The following TRAK2 variants were observed in gnomAD, a reference collection of about 807,000 sequenced individuals.
TRAK2 encodes the protein trafficking kinesin protein 2.
A neutral mutation model predicts 104.6 loss-of-function variants in TRAK2; 81 were observed. The observed-to-expected ratio is 0.77, with a 90% CI of 0.65 to 0.93. TRAK2 has a LOEUF of 0.93. Among genes scored for constraint, TRAK2 ranks in the 40% least tolerant of loss-of-function variants. TRAK2 has a pLI of 0.00. For synonymous variants in TRAK2, 406 were observed against 394.4 expected (o/e 1.03, Z -0.35); for missense variants, 1,002 against 1,089.0 (o/e 0.92, Z 1.12).
In TRAK2 at chr2:201,380,903, T is replaced by A. The variant is rs181577493; in HGVS notation, c.2385A>T (p.Arg795=). 40 of 1,614,052 alleles carry A rather than the reference T, an allele frequency of 2.5e-5. No individual in the cohort carries two copies. The East Asian group carries it at 8.7e-4, about 35-fold the overall frequency. The change falls in exon 16 of 16, where the codon CGA becomes CGT. Residue 795 remains arginine, a synonymous_variant. Coordinates refer to ENST00000332624, the MANE Select transcript of TRAK2 (RefSeq NM_015049.3). ...PCPSPLPFEP[R]VHLSENFLAS... ...CCAAAAAATTTTCAGAGAGATGCAC[T>A]CGAGGCTCAAAGGGTAAAGGAGAAG...
chr2:201,441,759 T>C (rs1054199850), intron 1 of TRAK2, among the ~76,000 whole-genome samples: 3 of 150,674 alleles, frequency 2.0e-5, no homozygotes, highest in Admixed American at 6.7e-5. Context: ...AGGCGCGATC[T>C]CAGCTCACTG....
In TRAK2 at chr2:201,377,498, G is replaced by C. The variant is rs1202432812; in HGVS notation, c.*3045C>G. The C allele has an allele frequency of 6.6e-6, 1 of 152,288 alleles. No homozygotes were observed. The highest frequency in any genetic ancestry group is 1.5e-5 in the Non-Finnish European group (1 of 68,040). 9.4% of individuals were successfully genotyped at this position (152,288 alleles called of 1,614,324 possible). A position where few individuals can be genotyped will look rare whatever the true frequency, so the allele number is the denominator to read the frequency against. ...AGAGCCCTAGTTCTAGATGTCACAA[G>C]TTGATGTTAGTAACCACCAAGTACT... is the stretch of plus-strand genomic sequence containing the variant. On this transcript the variant is annotated 3_prime_UTR_variant, in exon 16 of 16. Coordinates refer to ENST00000332624, the MANE Select transcript of TRAK2 (RefSeq NM_015049.3).
intron 3 of TRAK2, among the ~76,000 whole-genome samples, chr2:201,402,816 T>G (rs150316447): frequency 9.2e-5 from 14 of 152,274 alleles, no homozygotes; most frequent in Middle Eastern, 3.4e-3. Flanking sequence ...GGCTCTTAAG[T>G]CCAGATTCCG....
intron 3 of TRAK2, among the ~76,000 whole-genome samples, chr2:201,401,937 C>A (rs1247219989): frequency 2.0e-5 from 3 of 151,876 alleles, no homozygotes; most frequent in Admixed American, 6.6e-5. Flanking sequence ...GACTTAGACT[C>A]TTTTATTATA....
At chr2:201,382,510 C>G (rs1006185108) in intron 15 of TRAK2, among the ~76,000 whole-genome samples, 12 of 151,932 alleles carry the variant, frequency 7.9e-5, no homozygotes, top group African/African-American at 2.4e-4. Flanking sequence ...ATTGTATTCC[C>G]AGTCTCTAAA....
intron 1 of TRAK2, among the ~76,000 whole-genome samples, chr2:201,437,120 C>T (rs373445905): frequency 6.6e-6 from 1 of 152,096 alleles, no homozygotes. Flanking sequence ...CAATAGACGC[C>T]TTTGGTTTGC....
At chr2:201,434,249 G>A (rs770051119) in intron 1 of TRAK2, among the ~76,000 whole-genome samples, 2 of 152,068 alleles carry the variant, frequency 1.3e-5, no homozygotes, top group African/African-American at 2.4e-5. Context: ...GAGCCACTGC[G>A]CCCGGCCCAT....
intron 1 of TRAK2, among the ~76,000 whole-genome samples, chr2:201,449,633 T>C (rs1203059454): frequency 6.6e-6 from 1 of 151,540 alleles, no homozygotes; most frequent in Admixed American, 6.6e-5. Context: ...TGCAGGCATG[T>C]GCCACCATGC....
chr2:201,380,861 C>T lies in TRAK2; in HGVS notation c.2427G>A (p.Glu809=), dbSNP rs893110684. ...AGCCATACATCTCCTGGAGGAATGT[C>T]TCAGCTGGTCGAGAGGCCAAAAAAT... The part of the protein sequence containing the change: ...SENFLASRPA[E]TFLQEMYGLR... Residue 809 remains glutamate (E), a synonymous_variant, in exon 16 of 16, where the codon GAG becomes GAA. Coordinates refer to ENST00000332624, the MANE Select transcript of TRAK2 (RefSeq NM_015049.3). 1 of 1,614,014 alleles carries T rather than the reference C, an allele frequency of 6.2e-7. No homozygotes were observed.
chr2:201,380,792 C>A lies in TRAK2; in HGVS notation c.2496G>T (p.Met832Ile). 1.2e-6 allele frequency: 2 copies of A among 1,614,124 alleles called. No individual in the cohort carries two copies. Among genetic ancestry groups the A allele is most frequent in the Non-Finnish European group, 1.7e-6 (2 of 1,180,002 alleles). The change falls in exon 16 of 16, where the codon ATG (methionine) becomes ATT (isoleucine). Residue 832 changes from methionine to isoleucine, a missense_variant. Met to Ile is a conservative substitution (Grantham distance 10). Coordinates refer to ENST00000332624, the MANE Select transcript of TRAK2 (RefSeq NM_015049.3). ...RNPPDVGQLK[M>I]NLVDRLKRLG... ...GTCTCTTCAGCCTGTCCACTAAGTT[C>A]ATCTTCAACTGGCCAACATCAGGAG...
intron 1 of TRAK2, among the ~76,000 whole-genome samples, chr2:201,433,964 T>C (rs1000415428): frequency 2.6e-4 from 34 of 129,472 alleles, no homozygotes; most frequent in African/African-American, 1.0e-3. Flanking sequence ...ATAATCATTC[T>C]TTTTTTTTTT....
At chr2:201,405,753 G>A (rs1951588039) in intron 3 of TRAK2, among the ~76,000 whole-genome samples, 1 of 152,182 alleles carries the variant, frequency 6.6e-6, no homozygotes, top group Non-Finnish European at 1.5e-5. Flanking sequence ...GGGAGGCCGA[G>A]GCAAGCAGAT....
intron 1 of TRAK2, among the ~76,000 whole-genome samples, chr2:201,446,056 C>T (rs933570133): frequency 6.6e-6 from 1 of 152,088 alleles, no homozygotes; most frequent in African/African-American, 2.4e-5. Flanking sequence ...GATAGATGAA[C>T]TTTTTCCTCT....
Position 201,412,516 on chromosome 2 carries a change from A to T in TRAK2, c.92-4919T>A, listed in dbSNP as rs373005575. The T allele has an allele frequency of 6.3e-5, 74 of 1,181,370 alleles. 1 individual carries two copies. The East Asian group carries it at 1.6e-3, about 25-fold the overall frequency. 73.2% of individuals were successfully genotyped at this position (1,181,370 alleles called of 1,614,324 possible). The stretch of plus-strand genomic sequence containing the variant: ...AATGTCTTGCTTATTGCCTTCAAAT[A>T]TATGTTTCCTTTTATTAAATACAGC... On this transcript the variant is annotated intron_variant, in intron 2 of 15. Coordinates refer to ENST00000332624, the MANE Select transcript of TRAK2 (RefSeq NM_015049.3).
chr2:201,383,528 T>C (rs1951361191), intron 15 of TRAK2, among the ~76,000 whole-genome samples: 1 of 152,220 alleles, frequency 6.6e-6, no homozygotes, highest in African/African-American at 2.4e-5. Flanking sequence ...GTTGGTAATA[T>C]TCTGTGTGTA....
At chr2:201,440,049 C>T (rs1050752320) in intron 1 of TRAK2, among the ~76,000 whole-genome samples, 7 of 148,866 alleles carry the variant, frequency 4.7e-5, no homozygotes, top group African/African-American at 1.7e-4. Context: ...CTAACCTGCA[C>T]ATTGTGCACA....
At chr2:201,423,190 TCAACTCC>T (rs1951758386) in intron 1 of TRAK2, among the ~76,000 whole-genome samples, 1 of 151,998 alleles carries the variant, frequency 6.6e-6, no homozygotes, top group Admixed American at 6.5e-5. Context: ...TCCTCCTGCC[TCAACTCC>T]CAAAGCTCTG....
intron 1 of TRAK2, among the ~76,000 whole-genome samples, chr2:201,437,279 C>A (rs369785910): frequency 6.6e-6 from 1 of 152,232 alleles, no homozygotes; most frequent in East Asian, 1.9e-4. Flanking sequence ...CCTCTACCTG[C>A]GTTTAATGGC....
chr2:201,404,192 A>G (rs975934768), intron 3 of TRAK2, among the ~76,000 whole-genome samples: 1 of 152,184 alleles, frequency 6.6e-6, no homozygotes, highest in African/African-American at 2.4e-5. Context: ...TCTTCACCAT[A>G]ATTCTGTAGC....
Sources: gnomAD v4.1 joint callset for allele counts (sites outside exome capture counted in the v4.1 genomes callset) on GRCh38, gnomAD v4.1.1 for gene constraint, MANE v1.5 for transcripts, NCBI Gene and HGNC (gene_info 2026-07-23, HGNC 2026-07-21) for gene names.